Variants in YTHDF3 observed in about 807,000 individuals in gnomAD.
YTHDF3 encodes YTH domain-containing family protein 3.
A neutral mutation model predicts 52.5 loss-of-function variants in YTHDF3; 9 were observed. The observed-to-expected ratio is 0.17, with a 90% CI of 0.10 to 0.30. YTHDF3 has a LOEUF of 0.30. Ranked by LOEUF, YTHDF3 falls within the 10% of genes least tolerant of loss-of-function variation. The pLI, the probability that YTHDF3 is intolerant of heterozygous loss-of-function variation, is 1.00. For synonymous variants in YTHDF3, 274 were observed against 243.3 expected, an observed-to-expected ratio of 1.13 and a Z score of -1.18; for missense variants, 534 against 715.0, an observed-to-expected ratio of 0.75 and a Z score of 2.89.
chr8:63,189,333 G>A (rs1005394536), intron 4 of YTHDF3, among the ~76,000 whole-genome samples: 4 of 152,160 alleles, frequency 2.6e-5, no homozygotes, highest in Non-Finnish European at 4.4e-5. Context: ...AAACTGTAAC[G>A]TAAAATTGGG....
chr8:63,208,230 C>T (rs1474542932), intron 4 of YTHDF3, among the ~76,000 whole-genome samples: 3 of 152,040 alleles, frequency 2.0e-5, no homozygotes, highest in African/African-American at 7.2e-5. Flanking sequence ...AAATAATGCT[C>T]TTCAAGTTCC....
intron 4 of YTHDF3, among the ~76,000 whole-genome samples, chr8:63,189,344 G>A (rs988680032): frequency 3.3e-5 from 5 of 152,174 alleles, no homozygotes; most frequent in Non-Finnish European, 5.9e-5. Context: ...TAAAATTGGG[G>A]TCCTATTTTT....
At chr8:63,209,533 G>A in intron 4 of YTHDF3, 150 bp from the exon 5 acceptor site, 3 of 729,514 alleles carry the variant, frequency 4.1e-6, no homozygotes, top group Non-Finnish European at 6.6e-6. Flanking sequence ...GTATATAGAG[G>A]TAATTATCAA....
intron 4 of YTHDF3, among the ~76,000 whole-genome samples, chr8:63,197,997 C>T (rs1809347590): frequency 6.6e-6 from 1 of 152,064 alleles, no homozygotes; most frequent in South Asian, 2.1e-4. Flanking sequence ...GGTTCAGTTG[C>T]TTTTTTAATT....
intron 4 of YTHDF3, among the ~76,000 whole-genome samples, chr8:63,197,681 G>A (rs1015905423): frequency 2.0e-5 from 3 of 152,140 alleles, no homozygotes; most frequent in African/African-American, 4.8e-5. Flanking sequence ...AATGGGAATC[G>A]ATAGCATCTG....
chr8:63,185,351 A>G (rs1393884043), intron 3 of YTHDF3, among the ~76,000 whole-genome samples: 2 of 151,926 alleles, frequency 1.3e-5, no homozygotes, highest in African/African-American at 4.8e-5. Context: ...GTGAAGGTTG[A>G]TTTAATTGCA....
intron 4 of YTHDF3, among the ~76,000 whole-genome samples, chr8:63,197,814 G>A (rs1809336103): frequency 6.6e-6 from 1 of 152,196 alleles, no homozygotes; most frequent in African/African-American, 2.4e-5. Context: ...TATTTGTCCA[G>A]TATAAATTCA....
intron 3 of YTHDF3, among the ~76,000 whole-genome samples, chr8:63,183,357 TTTTGTCA>T (rs1808281423): frequency 6.6e-6 from 1 of 152,184 alleles, no homozygotes; most frequent in Admixed American, 6.5e-5. Context: ...CACAGTGACT[TTTTGTCA>T]GTATGAAGCA....
rs1039009715 is a variant in YTHDF3, at chr8:63,177,269, T to C, written c.135+1853T>C. ...GGATTATTTTTAGGATTATGGAGAG[T>C]GGTGGTTGTGTTCAACCTCATCTAC... On this transcript the variant is annotated intron_variant, in intron 3 of 4. Coordinates refer to ENST00000539294, the MANE Select transcript of YTHDF3 (RefSeq NM_152758.6). Among the ~76,000 whole-genome samples the C allele has an allele frequency of 4.6e-5, 7 of 152,140 alleles. No homozygotes were observed. The East Asian group carries it at 5.8e-4, about 13-fold the overall frequency.
At chr8:63,202,150 T>C (rs1809680915) in intron 4 of YTHDF3, among the ~76,000 whole-genome samples, 1 of 152,226 alleles carries the variant, frequency 6.6e-6, no homozygotes, top group Non-Finnish European at 1.5e-5. Context: ...TAGAGCCTCA[T>C]TAAAATGTAA....
intron 2 of YTHDF3, among the ~76,000 whole-genome samples, chr8:63,170,912 T>G (rs1156776528): frequency 6.6e-6 from 1 of 152,212 alleles, no homozygotes; most frequent in Non-Finnish European, 1.5e-5. Flanking sequence ...AGTGGTCATT[T>G]CACTTAGGTA....
intron 4 of YTHDF3, among the ~76,000 whole-genome samples, chr8:63,189,417 TTAG>T (rs750601607): frequency 4.6e-5 from 7 of 152,182 alleles, no homozygotes; most frequent in Non-Finnish European, 7.3e-5. Context: ...CTTTTGAAAC[TTAG>T]TAGGGGTAAA....
intron 4 of YTHDF3, among the ~76,000 whole-genome samples, chr8:63,188,538 G>A (rs931074370): frequency 1.6e-4 from 24 of 149,214 alleles, no homozygotes; most frequent in Non-Finnish European, 3.6e-4. Flanking sequence ...TGTTGCCCGG[G>A]CTGGTCTCCT....
intron 3 of YTHDF3, among the ~76,000 whole-genome samples, chr8:63,177,873 T>C (rs944349448): frequency 2.0e-5 from 3 of 151,918 alleles, no homozygotes; most frequent in African/African-American, 7.3e-5. Flanking sequence ...TTTTCCTGCC[T>C]CAGCCTCCCA....
chr8:63,184,453 A>G (rs1477042122), intron 3 of YTHDF3, among the ~76,000 whole-genome samples: 1 of 152,254 alleles, frequency 6.6e-6, no homozygotes, highest in African/African-American at 2.4e-5. Flanking sequence ...TTCAAAAGAC[A>G]ATATGTTAAG....
At chr8:63,177,415 T>C (rs1057192335) in intron 3 of YTHDF3, among the ~76,000 whole-genome samples, 1 of 152,210 alleles carries the variant, frequency 6.6e-6, no homozygotes, top group Non-Finnish European at 1.5e-5. Context: ...AAAATTACTT[T>C]TCCACGTAAA....
rs1249769783 is a variant in YTHDF3 at position 63,211,463 on chromosome 8, C to T, written c.*1757C>T. ...AAAAGTGGCATTTGGGTATAGTCAC[C>T]ACAGCAATGTTCTACATCCCTAAGA... On this transcript the variant is annotated 3_prime_UTR_variant, in exon 5 of 5. Transcript: ENST00000539294. The T allele has an allele frequency of 6.6e-6, 1 of 152,394 alleles. No individual in the cohort carries two copies. The highest frequency in any genetic ancestry group is 1.5e-5 in the Non-Finnish European group (1 of 67,968). 9.4% of individuals were successfully genotyped at this position (152,394 alleles called of 1,614,324 possible). A position where few individuals can be genotyped will look rare whatever the true frequency, so the allele number is the denominator to read the frequency against.
intron 3 of YTHDF3, among the ~76,000 whole-genome samples, chr8:63,181,812 G>C (rs1361267377): frequency 6.6e-6 from 1 of 152,184 alleles, no homozygotes; most frequent in Non-Finnish European, 1.5e-5. Flanking sequence ...TGTTTATTAA[G>C]TGAATGGATG....
rs550157286 is a variant in YTHDF3, at chr8:63,168,919, C to T, written c.24+18C>T. On this transcript the variant is annotated intron_variant, in intron 1 of 4. Transcript: ENST00000539294. ...TGGATCAGGTGAGGGAGCAGAGGCC[C>T]CAGGCTTGGCGAAGGCCCGAGCCCC... is the stretch of plus-strand genomic sequence containing the variant. 5 of 1,550,692 alleles carry T rather than the reference C, an allele frequency of 3.2e-6. No individual in the cohort carries two copies. The highest frequency in any genetic ancestry group is 2.7e-5 in the African/African-American group (2 of 72,978).
Sources: gnomAD v4.1 joint callset for allele counts (sites outside exome capture counted in the v4.1 genomes callset) on GRCh38, gnomAD v4.1.1 for gene constraint, MANE v1.5 for transcripts, NCBI Gene and HGNC (gene_info 2026-07-23, HGNC 2026-07-21) for gene names.